ARHGEF2: variants seen among roughly 807,000 people sequenced by gnomAD.
ARHGEF2 encodes the protein rho guanine nucleotide exchange factor 2.
In ARHGEF2, 22 loss-of-function variants were observed where a neutral mutation model predicts 121.0. That is an observed-to-expected ratio of 0.18 (90% CI 0.13 to 0.26). The LOEUF is 0.26. ARHGEF2 is among the 10% of genes least tolerant of loss of function. The probability of loss-of-function intolerance (pLI) is 1.00; values close to 1 mark genes in which losing one functional copy is unlikely to be tolerated. For missense variants in ARHGEF2, 907 were observed against 1,336.0 expected (o/e 0.68, Z 5.01); for synonymous variants, 487 against 530.0 (o/e 0.92, Z 1.11).
At position 155,951,694 on chromosome 1, in the gene ARHGEF2, A is replaced by G. The variant is rs1310100834; in HGVS notation, c.2208+47T>C. 6.2e-7 allele frequency: 1 copy of G among 1,613,250 alleles called. No individual in the cohort carries two copies. ...AAACTGGGCTCTAACTACTCAGACT[A>G]AGAACATCCTCCCTTCAGTCTCCTA... is the stretch of plus-strand genomic sequence containing the variant. On this transcript the variant is annotated intron_variant, in intron 18 of 21. Transcript: ENST00000361247. The surrounding 1 kb of genome is among the most constrained non-coding windows in gnomAD (Gnocchi z 5.1).
Position 155,964,981 on chromosome 1 carries a change from G to A in ARHGEF2, c.724+7C>T, listed in dbSNP as rs776189802. The A allele has an allele frequency of 6.2e-7, 1 of 1,613,268 alleles. No homozygotes were observed. The highest frequency in any genetic ancestry group is 8.5e-7 in the Non-Finnish European group (1 of 1,179,454). On this transcript the variant is annotated splice_region_variant and intron_variant, in intron 7 of 21. Transcript: ENST00000361247. Reference sequence around the variant, plus strand: ...GGAAGAGGAAGACTAGGGTGGTCTTGGCTTACCATAGATGACATCTTGCTG... The same window carrying A: ...GGAAGAGGAAGACTAGGGTGGTCTTAGCTTACCATAGATGACATCTTGCTG...
At chr1:155,963,881 A>C (rs1268560960) in intron 7 of ARHGEF2, among the ~76,000 whole-genome samples, 1 of 150,284 alleles carries the variant, frequency 6.7e-6, no homozygotes, top group Non-Finnish European at 1.5e-5. Flanking sequence ...ACGGTGGCTC[A>C]CGCCTATAAT....
chr1:155,960,956 G>A (rs575984452), intron 11 of ARHGEF2, among the ~76,000 whole-genome samples: 64 of 152,182 alleles, frequency 4.2e-4, no homozygotes, highest in Non-Finnish European at 6.2e-4. Context: ...GTCCTTCACC[G>A]GCTCAGTCCC....
rs1391664080 is a variant in ARHGEF2, at chr1:155,963,203, A to C, written c.725-20T>G. Reference sequence around the variant, plus strand: ...TTAGCTCTGTGGGGGACATTGGGACATTTGGCCTCTACCCTGGCTTGGCTA... The same window carrying C: ...TTAGCTCTGTGGGGGACATTGGGACCTTTGGCCTCTACCCTGGCTTGGCTA... On this transcript the variant is annotated intron_variant, in intron 7 of 21. Coordinates refer to ENST00000361247, the MANE Select transcript of ARHGEF2 (RefSeq NM_001162383.2). 6.2e-7 allele frequency: 1 copy of C among 1,600,646 alleles called. No individual in the cohort carries two copies. Among genetic ancestry groups the C allele is most frequent in the Non-Finnish European group, 8.5e-7 (1 of 1,175,722 alleles).
At position 155,978,191 on chromosome 1, in the gene ARHGEF2, C is replaced by G. The variant is rs1012875956; in HGVS notation, c.63+174G>C. On this transcript the variant is annotated intron_variant, in intron 1 of 21. Transcript: ENST00000361247. This position sits in a 1 kb window ranked among gnomAD's most constrained non-coding sequence, Gnocchi z 4.1. ...CGTCGCGTCTGCCGCTCCCCCCACC[C>G]CTACCCACTCGCTCGCAGTCCCCAC... 8.3e-6 allele frequency: 11 copies of G among 1,322,092 alleles called. No individual in the cohort carries two copies. Among genetic ancestry groups the G allele is most frequent in the Middle Eastern group, 2.9e-4 (1 of 3,396 alleles). 81.9% of individuals were successfully genotyped at this position (1,322,092 alleles called of 1,614,324 possible).
At chr1:155,954,057 G>A (rs950257461) in intron 14 of ARHGEF2, among the ~76,000 whole-genome samples, 2 of 151,410 alleles carry the variant, frequency 1.3e-5, no homozygotes, top group African/African-American at 4.8e-5. Context: ...GAACTCCTGG[G>A]CTCAAACAAT....
In ARHGEF2 at chr1:155,965,765, G is replaced by C. The variant is rs756836478; in HGVS notation, c.341-5C>G. On this transcript the variant is annotated splice_region_variant and splice_polypyrimidine_tract_variant and intron_variant, in intron 4 of 21. Coordinates refer to ENST00000361247, the MANE Select transcript of ARHGEF2 (RefSeq NM_001162383.2). The surrounding 1 kb of genome is among the most constrained non-coding windows in gnomAD (Gnocchi z 6.0). ...TTGGCCGCTCCCGGATGGTTGCTGT[G>C]GGGGAGAGATGCCCAGCAGGCAAAC... 18 of 1,588,284 alleles carry C rather than the reference G, an allele frequency of 1.1e-5. No homozygotes were observed. Among genetic ancestry groups the C allele is most frequent in the East Asian group, 4.5e-5 (2 of 44,716 alleles).
At chr1:155,975,592 G>C (rs1260961929) in intron 1 of ARHGEF2, among the ~76,000 whole-genome samples, 1 of 151,788 alleles carries the variant, frequency 6.6e-6, no homozygotes, top group Non-Finnish European at 1.5e-5. Flanking sequence ...CTCCAACACC[G>C]TCAGCCCTCT....
chr1:155,973,418 T>G (rs1182190423), intron 1 of ARHGEF2, among the ~76,000 whole-genome samples: 1 of 152,178 alleles, frequency 6.6e-6, no homozygotes, highest in African/African-American at 2.4e-5. Context: ...TTCCTTCCAC[T>G]GTCATCCCAG....
intron 15 of ARHGEF2, among the ~76,000 whole-genome samples, 196 bp downstream of exon 15, chr1:155,952,432 C>A (rs1039504686): frequency 1.3e-5 from 2 of 152,220 alleles, no homozygotes; most frequent in Non-Finnish European, 2.9e-5. Flanking sequence ...GCAGCATGGA[C>A]GATATGGAGC....
chr1:155,965,352 G>A lies in ARHGEF2; in HGVS notation c.531C>T (p.Ser177=), dbSNP rs961857558. Reference sequence around the variant, plus strand: ...ATAGGGTTCGGTTCCGCATGTTGAGGGAGTCTGTGGACTGTGAGAGGATCC... The same window carrying A: ...ATAGGGTTCGGTTCCGCATGTTGAGAGAGTCTGTGGACTGTGAGAGGATCC... ...LRRILSQSTD[S]LNMRNRTLSV... is the part of the protein sequence containing the mutation. Residue 177 remains serine (S), a synonymous_variant, in exon 6 of 22, where the codon TCC becomes TCT. Coordinates refer to ENST00000361247, the MANE Select transcript of ARHGEF2 (RefSeq NM_001162383.2). The surrounding 1 kb of genome is among the most constrained non-coding windows in gnomAD (Gnocchi z 6.0). 1.2e-6 allele frequency: 2 copies of A among 1,614,158 alleles called. No individual in the cohort carries two copies. Among genetic ancestry groups the A allele is most frequent in the Non-Finnish European group, 1.7e-6 (2 of 1,180,020 alleles).
At chr1:155,948,637 C>A (rs1296706731) in intron 21 of ARHGEF2, among the ~76,000 whole-genome samples, 4 of 151,430 alleles carry the variant, frequency 2.6e-5, no homozygotes, top group African/African-American at 7.3e-5. Context: ...TCAAAAAAAA[C>A]AAAACAAAAC....
chr1:155,978,297 A>C lies in ARHGEF2; in HGVS notation c.63+68T>G. 2 of 1,392,470 alleles carry C rather than the reference A, an allele frequency of 1.4e-6. No homozygotes were observed. Among genetic ancestry groups the C allele is most frequent in the Non-Finnish European group, 1.9e-6 (2 of 1,049,332 alleles). 86.3% of individuals were successfully genotyped at this position (1,392,470 alleles called of 1,614,324 possible). A position where few individuals can be genotyped will look rare whatever the true frequency, so the allele number is the denominator to read the frequency against. ...AAGCAGGCGGGGAGACAGGAGATGC[A>C]CCGCGGGTGCCGGGGTTCGGGGAGC... On this transcript the variant is annotated intron_variant, in intron 1 of 21. Coordinates refer to ENST00000361247, the MANE Select transcript of ARHGEF2 (RefSeq NM_001162383.2). The surrounding 1 kb of genome is among the most constrained non-coding windows in gnomAD (Gnocchi z 4.1).
In ARHGEF2 at chr1:155,947,925, A is replaced by G; in HGVS notation, c.*17T>C. 1 of 1,523,574 alleles carries G rather than the reference A, an allele frequency of 6.6e-7. No homozygotes were observed. The highest frequency in any genetic ancestry group is 8.9e-7 in the Non-Finnish European group (1 of 1,123,690). The allele number at this position is 1,523,574 out of a possible 1,614,324, so 94.4% of individuals were successfully genotyped here. Reference sequence around the variant, plus strand: ...AATGTTCTTCAGTGGGGCACGGGGCAGGGGGGAGGGGCCCCCTTAGCTCTC... The same window carrying G: ...AATGTTCTTCAGTGGGGCACGGGGCGGGGGGGAGGGGCCCCCTTAGCTCTC... On this transcript the variant is annotated 3_prime_UTR_variant, in exon 22 of 22. Coordinates refer to ENST00000361247, the MANE Select transcript of ARHGEF2 (RefSeq NM_001162383.2).
In ARHGEF2 at chr1:155,951,384, G is replaced by C. The variant is rs777422279; in HGVS notation, c.2259+99C>G. Reference sequence around the variant, plus strand: ...GCTCCTGGAGAGCTTGGATTGGGAGGGTATTTAGAAAGGCCTGTTGGGATG... The same window carrying C: ...GCTCCTGGAGAGCTTGGATTGGGAGCGTATTTAGAAAGGCCTGTTGGGATG... On this transcript the variant is annotated intron_variant, in intron 19 of 21. Transcript: ENST00000361247. The surrounding 1 kb of genome is among the most constrained non-coding windows in gnomAD (Gnocchi z 5.1). 1.3e-6 allele frequency: 2 copies of C among 1,583,764 alleles called. No homozygotes were observed. The highest frequency in any genetic ancestry group is 1.7e-6 in the Non-Finnish European group (2 of 1,155,680).
At chr1:155,964,857 C>T (rs1679029791) in intron 7 of ARHGEF2, 131 bp downstream of exon 7, 5 of 1,019,162 alleles carry the variant, frequency 4.9e-6, no homozygotes, top group Middle Eastern at 3.1e-4. Flanking sequence ...CATGCCACTG[C>T]ACTTCAGCCT....
At position 155,966,435 on chromosome 1, in the gene ARHGEF2, G is replaced by T. The variant is rs764870354; in HGVS notation, c.321C>A (p.Ser107=). The change falls in exon 4 of 22, where the codon TCC becomes TCA. Residue 107 remains serine, a synonymous_variant. Transcript: ENST00000361247. ...ALLKNNTALQ[S]VSLRSKTTIR... ...ACTCACTCTTACTTCGAAGAGAAAC[G>T]GACTGCAAGGCGGTGTTGTTCTTCA... The T allele has an allele frequency of 1.7e-5, 27 of 1,614,006 alleles. No homozygotes were observed. Among genetic ancestry groups the T allele is most frequent in the Non-Finnish European group, 2.5e-6 (3 of 1,180,004 alleles).
chr1:155,948,384 C>T (rs1339597733), intron 21 of ARHGEF2, among the ~76,000 whole-genome samples: 1 of 152,178 alleles, frequency 6.6e-6, no homozygotes, highest in Non-Finnish European at 1.5e-5. Flanking sequence ...AATCCTAACA[C>T]TTTGGGAGGC....
intron 21 of ARHGEF2, among the ~76,000 whole-genome samples, chr1:155,948,988 C>CTGTA (rs1245219952): frequency 1.3e-5 from 2 of 152,022 alleles, no homozygotes; most frequent in African/African-American, 4.8e-5. Context: ...TGGCTCACAC[C>CTGTA]TGTAATCCCA....
Sources: gnomAD v4.1 joint callset for allele counts (sites outside exome capture counted in the v4.1 genomes callset) on GRCh38, gnomAD v4.1.1 for gene constraint, Gnocchi (gnomAD v3.1) non-coding constraint, MANE v1.5 for transcripts, NCBI Gene and HGNC (gene_info 2026-07-23, HGNC 2026-07-21) for gene names.